The following GALNTL6 variants were observed in gnomAD, a reference collection of about 807,000 sequenced individuals.
GALNTL6 encodes polypeptide N-acetylgalactosaminyltransferase like 6, also known as polypeptide N-acetylgalactosaminyltransferase-like 6.
Under a neutral mutation model 73.7 loss-of-function variants are expected in GALNTL6, and 46 were observed. The observed-to-expected ratio is 0.62, with a 90% CI of 0.49 to 0.80. The LOEUF (loss-of-function observed/expected upper bound fraction) is 0.80. Ranked by LOEUF, GALNTL6 falls within the 30% of genes least tolerant of loss-of-function variation. The pLI is 0.00. For missense variants in GALNTL6, 604 were observed against 755.0 expected (o/e 0.80, Z 2.34); for synonymous variants, 259 against 263.7 (o/e 0.98, Z 0.17).
At chr4:172,976,347 A>G (rs867220210) in intron 10 of GALNTL6, among the ~76,000 whole-genome samples, 2 of 152,230 alleles carry the variant, frequency 1.3e-5, no homozygotes, top group Non-Finnish European at 2.9e-5. Context: ...TAGATTTTTA[A>G]ATTATAAAAT....
intron 5 of GALNTL6, among the ~76,000 whole-genome samples, chr4:172,540,962 C>T (rs535973288): frequency 3.3e-5 from 5 of 152,254 alleles, no homozygotes; most frequent in South Asian, 2.1e-4. Flanking sequence ...GGCCTAGAAA[C>T]GGAAGGCCTG....
chr4:172,626,584 A>G (rs1429955892), intron 5 of GALNTL6, among the ~76,000 whole-genome samples: 2 of 152,016 alleles, frequency 1.3e-5, no homozygotes, highest in Admixed American at 6.6e-5. Context: ...GGTGTTGAAT[A>G]TGTAGGTTGC....
At chr4:172,983,555 C>A (rs1467802963) in intron 10 of GALNTL6, among the ~76,000 whole-genome samples, 1 of 152,066 alleles carries the variant, frequency 6.6e-6, no homozygotes, top group Non-Finnish European at 1.5e-5. Flanking sequence ...AGTAGCCGGG[C>A]GTGGTGGCAC....
chr4:172,134,263 T>C (rs554375451), intron 2 of GALNTL6, among the ~76,000 whole-genome samples: 82 of 152,026 alleles, frequency 5.4e-4, no homozygotes, highest in African/African-American at 1.9e-3. Context: ...CGGGCGCCTG[T>C]AGTCCCAGCT....
intron 5 of GALNTL6, among the ~76,000 whole-genome samples, chr4:172,720,346 G>A (rs930598733): frequency 6.7e-6 from 1 of 150,278 alleles, no homozygotes; most frequent in African/African-American, 2.5e-5. Flanking sequence ...CTGCTAGAGT[G>A]CTTCCCGCCC....
chr4:172,852,820 G>A (rs929355324), intron 7 of GALNTL6, among the ~76,000 whole-genome samples: 1 of 152,070 alleles, frequency 6.6e-6, no homozygotes, highest in Non-Finnish European at 1.5e-5. Flanking sequence ...AAAAGAATGA[G>A]TACCAAAAAT....
chr4:172,001,275 G>T (rs780492539), intron 2 of GALNTL6, among the ~76,000 whole-genome samples: 57 of 152,132 alleles, frequency 3.7e-4, no homozygotes, highest in Non-Finnish European at 7.1e-4. Flanking sequence ...GTGTAAACTG[G>T]AGGAAAGCCC....
At chr4:172,166,587 A>G (rs1734632277) in intron 2 of GALNTL6, among the ~76,000 whole-genome samples, 1 of 152,214 alleles carries the variant, frequency 6.6e-6, no homozygotes, top group African/African-American at 2.4e-5. Flanking sequence ...GTCATAGTAA[A>G]TAATTCGTAT....
At chr4:172,968,220 G>T (rs1750420105) in intron 10 of GALNTL6, among the ~76,000 whole-genome samples, 1 of 152,070 alleles carries the variant, frequency 6.6e-6, no homozygotes, top group African/African-American at 2.4e-5. Flanking sequence ...TGGTAGAAAA[G>T]AAAAAGGGGA....
At chr4:171,827,340 G>A (rs1289927586) in intron 2 of GALNTL6, among the ~76,000 whole-genome samples, 3 of 152,112 alleles carry the variant, frequency 2.0e-5, no homozygotes, top group Non-Finnish European at 4.4e-5. Flanking sequence ...GAAAAAGGTA[G>A]AAGTTGCAAC....
intron 2 of GALNTL6, among the ~76,000 whole-genome samples, chr4:171,900,884 A>G (rs1251334548): frequency 4.1e-5 from 2 of 48,828 alleles, no homozygotes; most frequent in African/African-American, 1.8e-4. Context: ...TAACTAAAAT[A>G]TTAGAATATC....
chr4:172,725,748 T>A (rs1735758187), intron 5 of GALNTL6, among the ~76,000 whole-genome samples: 1 of 152,212 alleles, frequency 6.6e-6, no homozygotes. Context: ...CATTTCCTCA[T>A]CTGTGAAAAA....
chr4:171,919,970 C>T (rs145700070), intron 2 of GALNTL6, among the ~76,000 whole-genome samples: 5,816 of 152,120 alleles, frequency 0.038, 342 homozygotes, highest in African/African-American at 0.12. Context: ...ACGTTTATTG[C>T]GGCACTATTC....
rs558366369 is a variant in GALNTL6 at position 172,677,760 on chromosome 4, C to T, written c.554-131601C>T. 1.7e-3 allele frequency among the ~76,000 whole-genome samples: 251 copies of T among 144,660 alleles called. 1 individual carries two copies. Among genetic ancestry groups the T allele is most frequent in the Admixed American group, 0.016 (233 of 14,352 alleles). 94.9% of individuals were successfully genotyped at this position (144,660 alleles called of 152,430 possible). On this transcript the variant is annotated intron_variant, in intron 5 of 12. Coordinates refer to ENST00000506823, the MANE Select transcript of GALNTL6 (RefSeq NM_001034845.3). ...TAGCAGAGTGAGACCCCCATCTCTA[C>T]AAAAAATTAAAAAAAAAAGAATTGT...
chr4:172,863,326 G>A (rs6553659), intron 7 of GALNTL6, among the ~76,000 whole-genome samples: 50,480 of 152,046 alleles, frequency 0.33, 9,577 homozygotes, highest in African/African-American at 0.52. Context: ...CCATGGGCCT[G>A]GAGAAGCCAC....
intron 5 of GALNTL6, among the ~76,000 whole-genome samples, chr4:172,743,625 A>T (rs1161637698): frequency 6.6e-6 from 1 of 152,006 alleles, no homozygotes; most frequent in East Asian, 1.9e-4. Flanking sequence ...AAAAATTATC[A>T]TGATGGCATC....
chr4:172,980,981 AG>A (rs1751038343), intron 10 of GALNTL6, among the ~76,000 whole-genome samples: 1 of 152,246 alleles, frequency 6.6e-6, no homozygotes. Flanking sequence ...TATTTCGCTT[AG>A]CATAATGTCT....
At chr4:172,441,078 C>CTATATAAA (rs1731821034) in intron 5 of GALNTL6, among the ~76,000 whole-genome samples, 2 of 151,894 alleles carry the variant, frequency 1.3e-5, no homozygotes, top group African/African-American at 4.8e-5. Context: ...ACATCTCTTC[C>CTATATAAA]AACCTAATTT....
At chr4:171,820,875 C>T (rs1734659736) in intron 2 of GALNTL6, among the ~76,000 whole-genome samples, 1 of 152,068 alleles carries the variant, frequency 6.6e-6, no homozygotes, top group Non-Finnish European at 1.5e-5. Flanking sequence ...TGAATTATTT[C>T]AAGTATTCAA....
Sources: gnomAD v4.1 joint callset for allele counts (sites outside exome capture counted in the v4.1 genomes callset) on GRCh38, gnomAD v4.1.1 for gene constraint, MANE v1.5 for transcripts, NCBI Gene and HGNC (gene_info 2026-07-23, HGNC 2026-07-21) for gene names.